IKZF2: variants seen among roughly 807,000 people sequenced by gnomAD.
The protein encoded by IKZF2 is IKAROS family zinc finger 2.
A neutral mutation model predicts 49.2 loss-of-function variants in IKZF2; 15 were observed. The ratio of observed to expected loss-of-function variants is 0.30; its 90% confidence interval spans 0.20 to 0.47. The LOEUF (loss-of-function observed/expected upper bound fraction) is 0.47. IKZF2 is among the 20% of genes least tolerant of loss of function. IKZF2 has a pLI of 1.00. For missense variants in IKZF2, 567 were observed against 664.6 expected (o/e 0.85, Z 1.61); for synonymous variants, 227 against 221.4 (o/e 1.03, Z -0.23).
intron 4 of IKZF2, among the ~76,000 whole-genome samples, chr2:213,086,328 G>A (rs1268613598): frequency 6.6e-6 from 1 of 151,994 alleles, no homozygotes; most frequent in African/African-American, 2.4e-5. Context: ...AAAAGAGTTG[G>A]AAGAAAGCTG....
At chr2:213,068,843 A>C (rs1223782660) in intron 4 of IKZF2, among the ~76,000 whole-genome samples, 1 of 151,764 alleles carries the variant, frequency 6.6e-6, no homozygotes, top group Non-Finnish European at 1.5e-5. Context: ...AAGATAGTGC[A>C]ATGTGATAAA....
intron 6 of IKZF2, among the ~76,000 whole-genome samples, chr2:213,048,732 C>T (rs1010070534): frequency 8.6e-5 from 13 of 152,010 alleles, no homozygotes; most frequent in Admixed American, 5.3e-4. Context: ...TAGTTTTACA[C>T]GATTCACATT....
At chr2:213,042,603 C>T (rs1283584615) in intron 6 of IKZF2, among the ~76,000 whole-genome samples, 2 of 151,874 alleles carry the variant, frequency 1.3e-5, no homozygotes, top group Non-Finnish European at 2.9e-5. Flanking sequence ...TGAAAAGATT[C>T]AATAAAGATA....
intron 4 of IKZF2, among the ~76,000 whole-genome samples, chr2:213,099,253 C>A (rs1706368022): frequency 6.6e-6 from 1 of 151,996 alleles, no homozygotes; most frequent in African/African-American, 2.4e-5. Context: ...TTGAAGGAAA[C>A]AAATATTGTA....
chr2:213,110,725 C>T (rs2059678216), intron 4 of IKZF2, among the ~76,000 whole-genome samples: 1 of 151,926 alleles, frequency 6.6e-6, no homozygotes, highest in Admixed American at 6.6e-5. Context: ...TTCCAATTCA[C>T]ATTTATATAA....
intron 6 of IKZF2, among the ~76,000 whole-genome samples, chr2:213,044,118 G>T (rs1277055746): frequency 6.6e-6 from 1 of 152,118 alleles, no homozygotes; most frequent in Non-Finnish European, 1.5e-5. Flanking sequence ...TGAGGTCAGG[G>T]TGTTTATTCC....
At chr2:213,041,886 AAAAC>A (rs769309356) in intron 6 of IKZF2, among the ~76,000 whole-genome samples, 29 of 152,246 alleles carry the variant, frequency 1.9e-4, no homozygotes, top group East Asian at 3.9e-4. Flanking sequence ...GCAAAATACT[AAAAC>A]AAACAAACAA....
At chr2:213,077,307 T>C (rs1441249323) in intron 4 of IKZF2, among the ~76,000 whole-genome samples, 2 of 152,190 alleles carry the variant, frequency 1.3e-5, no homozygotes, top group Admixed American at 1.3e-4. Flanking sequence ...TAGTATTCCA[T>C]AGCTCAAGTA....
At chr2:213,105,319 C>T (rs1271726833) in intron 4 of IKZF2, among the ~76,000 whole-genome samples, 1 of 152,074 alleles carries the variant, frequency 6.6e-6, no homozygotes, top group South Asian at 2.1e-4. Context: ...TGCTGTTTTC[C>T]TTTCCAACTG....
Position 213,057,239 on chromosome 2 carries a change from G to A in IKZF2, c.140-140C>T, listed in dbSNP as rs145644450. ...AATAGAGTTCATCATCGAATGCCATGTTAATACATACTGTGTTCTATGATA... is the reference window on the plus strand; with the variant it reads ...AATAGAGTTCATCATCGAATGCCATATTAATACATACTGTGTTCTATGATA... On this transcript the variant is annotated intron_variant, in intron 4 of 8. Coordinates refer to ENST00000434687, the MANE Select transcript of IKZF2 (RefSeq NM_001387220.1). The A allele has an allele frequency of 4.2e-5, 31 of 744,988 alleles. 1 individual carries two copies. In the East Asian group the frequency reaches 7.8e-4, roughly 19 times the overall value. The allele number at this position is 744,988 out of a possible 1,614,324, so 46.1% of individuals were successfully genotyped here. A position where few individuals can be genotyped will look rare whatever the true frequency, so the allele number is the denominator to read the frequency against.
intron 4 of IKZF2, among the ~76,000 whole-genome samples, chr2:213,098,428 A>G (rs1289336844): frequency 1.3e-5 from 2 of 151,162 alleles, no homozygotes; most frequent in Non-Finnish European, 2.9e-5. Flanking sequence ...TTTAATTGGC[A>G]TTCAACCTTA....
At chr2:213,113,163 A>G (rs2059767834) in intron 4 of IKZF2, among the ~76,000 whole-genome samples, 1 of 152,158 alleles carries the variant, frequency 6.6e-6, no homozygotes, top group African/African-American at 2.4e-5. Flanking sequence ...ACCAGTAAAT[A>G]TTAGCTAAGT....
chr2:213,027,558 G>C (rs1161081724), intron 6 of IKZF2, among the ~76,000 whole-genome samples: 2 of 151,986 alleles, frequency 1.3e-5, no homozygotes, highest in African/African-American at 4.8e-5. Flanking sequence ...CCTTTCTCCA[G>C]TTGGAACTGA....
intron 8 of IKZF2, among the ~76,000 whole-genome samples, chr2:213,013,224 AG>A (rs1389099843): frequency 6.6e-6 from 1 of 152,066 alleles, no homozygotes; most frequent in South Asian, 2.1e-4. Flanking sequence ...TTTGAAAAAA[AG>A]AAAAATTATC....
At position 213,049,810 on chromosome 2, in the gene IKZF2, T is replaced by C; in HGVS notation, c.477A>G (p.Ile159Met). The change falls in exon 6 of 9, where the codon ATA (isoleucine) becomes ATG (methionine). Residue 159 changes from isoleucine (I) to methionine (M), a missense_variant. This residue lies in a region of IKZF2 where 54 missense variants were observed against 119.9 expected (regional missense o/e 0.45). Transcript: ENST00000434687. ...ACGGCTTCTCTCCAGAGTGTAACTT[T>C]ATGTGTCTCAGAAGGTTGCCCTTCT... ...FTQKGNLLRH[I>M]KLHSGEKPFK... 6.2e-7 allele frequency: 1 copy of C among 1,610,286 alleles called. No homozygotes were observed. The highest frequency in any genetic ancestry group is 8.5e-7 in the Non-Finnish European group (1 of 1,177,742).
intron 4 of IKZF2, among the ~76,000 whole-genome samples, chr2:213,101,276 T>C (rs1008604491): frequency 3.9e-5 from 6 of 152,022 alleles, no homozygotes; most frequent in African/African-American, 1.4e-4. Flanking sequence ...CTAGAATAGG[T>C]AGTGACTAAG....
intron 4 of IKZF2, among the ~76,000 whole-genome samples, chr2:213,124,246 G>GCGCA (rs1553599624): frequency 4.9e-4 from 50 of 102,508 alleles, no homozygotes; most frequent in African/African-American, 2.4e-3. Context: ...GCGCTCGCGC[G>GCGCA]CGCGCGCACA....
chr2:213,148,497 C>T, intron 3 of IKZF2, 99 bp downstream of exon 3: 1 of 804,760 alleles, frequency 1.2e-6, no homozygotes, highest in Non-Finnish European at 2.1e-6. Flanking sequence ...AAAAAGAGTA[C>T]AGAATTCTCA....
chr2:213,066,551 A>T (rs965244424), intron 4 of IKZF2, among the ~76,000 whole-genome samples: 7 of 152,128 alleles, frequency 4.6e-5, no homozygotes, highest in Admixed American at 1.3e-4. Flanking sequence ...TGGCCCTCAG[A>T]TGCAGGATTG....
Sources: allele counts gnomAD v4.1 joint callset (sites outside exome capture counted in the v4.1 genomes callset), GRCh38; gene constraint gnomAD v4.1.1; regional missense constraint gnomAD v4.1.1; transcripts MANE v1.5; gene names NCBI Gene and HGNC (gene_info 2026-07-23, HGNC 2026-07-21).